ATP13A4: variants seen among roughly 807,000 people sequenced by gnomAD.
The protein encoded by ATP13A4 is ATPase 13A4, also known as probable cation-transporting ATPase 13A4.
ATP13A4 carries 114 observed loss-of-function variants against 142.5 expected under a neutral mutation model. The observed-to-expected ratio is 0.80, with a 90% confidence interval of 0.69 to 0.93. The LOEUF (loss-of-function observed/expected upper bound fraction) is 0.93. ATP13A4 is among the 40% of genes least tolerant of loss of function. ATP13A4 has a pLI of 0.00. For missense variants in ATP13A4, 1,392 were observed against 1,454.0 expected (o/e 0.96, Z 0.69); for synonymous variants, 488 against 514.8 (o/e 0.95, Z 0.70).
intron 28 of ATP13A4, among the ~76,000 whole-genome samples, chr3:193,410,468 G>A (rs147432879): frequency 6.6e-5 from 10 of 152,268 alleles, no homozygotes; most frequent in South Asian, 2.1e-4. Context: ...AGCCTAGCGC[G>A]TTGGGAGGCC....
At chr3:193,483,009 T>C (rs530929848) in intron 8 of ATP13A4, among the ~76,000 whole-genome samples, 1 of 152,180 alleles carries the variant, frequency 6.6e-6, no homozygotes, top group Non-Finnish European at 1.5e-5. Context: ...AACAGGTGAA[T>C]GGATGAACAA....
intron 3 of ATP13A4, among the ~76,000 whole-genome samples, chr3:193,497,194 A>G (rs1720289975): frequency 6.6e-6 from 1 of 152,222 alleles, no homozygotes; most frequent in South Asian, 2.1e-4. Context: ...AATATCCAGA[A>G]TACATAAGGA....
chr3:193,520,579 C>A (rs1721662584), intron 1 of ATP13A4, among the ~76,000 whole-genome samples: 1 of 152,146 alleles, frequency 6.6e-6, no homozygotes, highest in South Asian at 2.1e-4. Flanking sequence ...CTGGAAGGGA[C>A]AAACTGGTTA....
At chr3:193,502,472 A>G (rs199625989) in intron 3 of ATP13A4, 21 bp downstream of exon 3, 1 of 1,611,300 alleles carries the variant, frequency 6.2e-7, no homozygotes, top group Non-Finnish European at 8.5e-7. Context: ...TGACATCAGC[A>G]GTAGCCATAA....
intron 1 of ATP13A4, among the ~76,000 whole-genome samples, chr3:193,535,591 T>C (rs1039071953): frequency 1.1e-4 from 17 of 152,038 alleles, no homozygotes; most frequent in Non-Finnish European, 2.4e-4. Context: ...AAAAATAAAG[T>C]TTCCAATACA....
At chr3:193,572,124 T>G (rs1393213743) in intron 2 of ATP13A4, among the ~76,000 whole-genome samples, 2 of 152,172 alleles carry the variant, frequency 1.3e-5, no homozygotes, top group Non-Finnish European at 2.9e-5. Flanking sequence ...AACACATGCC[T>G]GTAGTCCCAG....
At chr3:193,493,673 T>C (rs948403981) in intron 3 of ATP13A4, among the ~76,000 whole-genome samples, 1 of 151,996 alleles carries the variant, frequency 6.6e-6, no homozygotes, top group Non-Finnish European at 1.5e-5. Context: ...ACAAGTTAGT[T>C]TGGGGGAAGA....
chr3:193,468,006 CCA>C (rs1718401700), intron 9 of ATP13A4, among the ~76,000 whole-genome samples: 1 of 152,100 alleles, frequency 6.6e-6, no homozygotes, highest in Non-Finnish European at 1.5e-5. Flanking sequence ...TGGAGAAACC[CCA>C]GTTTTGTAAA....
At chr3:193,546,811 T>G (rs1294824502) in intron 1 of ATP13A4, among the ~76,000 whole-genome samples, 1 of 152,202 alleles carries the variant, frequency 6.6e-6, no homozygotes, top group East Asian at 1.9e-4. Flanking sequence ...GTAATGTCAC[T>G]TAACCTCCCT....
At chr3:193,565,151 C>T (rs1724107538) in intron 2 of ATP13A4, among the ~76,000 whole-genome samples, 1 of 152,182 alleles carries the variant, frequency 6.6e-6, no homozygotes, top group South Asian at 2.1e-4. Flanking sequence ...CCTGAAACCA[C>T]CGCCCCCGAC....
At chr3:193,565,056 GA>G (rs1724104863) in intron 2 of ATP13A4, among the ~76,000 whole-genome samples, 2 of 152,138 alleles carry the variant, frequency 1.3e-5, no homozygotes, top group South Asian at 4.1e-4. Flanking sequence ...ACATTATGTT[GA>G]GTTGTAGAAT....
rs112973270 is a variant in ATP13A4, at chr3:193,572,790, A to G, written n.291+8917T>C. Among the ~76,000 whole-genome samples, 351 of 152,084 alleles carry G rather than the reference A, an allele frequency of 2.3e-3. 1 individual carries two copies. The highest frequency in any genetic ancestry group is 0.014 in the Middle Eastern group (4 of 294). On this transcript the variant is annotated intron_variant and non_coding_transcript_variant, in intron 2 of 3. Coordinates refer to the ATP13A4 transcript ENST00000489140. ...TGATGGAACCAGCTGATGGGAATGT[A>G]AAGGGCAGGAGGGCAGTTTGACATG...
At chr3:193,466,611 G>A (rs1369854388) in intron 10 of ATP13A4, among the ~76,000 whole-genome samples, 1 of 152,220 alleles carries the variant, frequency 6.6e-6, no homozygotes, top group Non-Finnish European at 1.5e-5. Context: ...ACCCTGGAAA[G>A]AACTTGGGAT....
intron 3 of ATP13A4, among the ~76,000 whole-genome samples, chr3:193,498,586 A>T (rs1720371660): frequency 6.6e-6 from 1 of 152,196 alleles, no homozygotes; most frequent in African/African-American, 2.4e-5. Context: ...GCTTTGAAAA[A>T]GACTGCTGTC....
At chr3:193,534,799 TA>T (rs1722507010) in intron 1 of ATP13A4, among the ~76,000 whole-genome samples, 1 of 152,034 alleles carries the variant, frequency 6.6e-6, no homozygotes, top group African/African-American at 2.4e-5. Flanking sequence ...GGGAAATGAC[TA>T]AAAAACTTAA....
rs1421168741 is a variant in ATP13A4, at chr3:193,492,897, G to A, written c.533+20C>T. 6.4e-7 allele frequency: 1 copy of A among 1,559,766 alleles called. No homozygotes were observed. Among genetic ancestry groups the A allele is most frequent in the African/African-American group, 1.4e-5 (1 of 73,462 alleles). Reference sequence around the variant, plus strand: ...ATAATAATCCTTTTGAGCTAGTATAGGCAATAATATGCATGGTACCTAATC... The same window carrying A: ...ATAATAATCCTTTTGAGCTAGTATAAGCAATAATATGCATGGTACCTAATC... On this transcript the variant is annotated intron_variant, in intron 5 of 29. Coordinates refer to ENST00000342695, the MANE Select transcript of ATP13A4 (RefSeq NM_032279.4).
intron 1 of ATP13A4, among the ~76,000 whole-genome samples, chr3:193,529,975 T>A (rs1174692838): frequency 2.0e-5 from 3 of 152,146 alleles, no homozygotes; most frequent in African/African-American, 7.2e-5. Flanking sequence ...TATCTTAAGA[T>A]TCCTATAAGC....
chr3:193,414,576 T>C lies in ATP13A4; in HGVS notation c.3014+3A>G. The C allele has an allele frequency of 6.2e-7, 1 of 1,613,482 alleles. No homozygotes were observed. The highest frequency in any genetic ancestry group is 1.1e-5 in the South Asian group (1 of 91,070). On this transcript the variant is annotated splice_donor_region_variant and intron_variant, in intron 26 of 29. Coordinates refer to ENST00000342695, the MANE Select transcript of ATP13A4 (RefSeq NM_032279.4). Reference sequence around the variant, plus strand: ...GAAGCAGAAGCTGAGACTATACTCATACCTGTGTATCTCCACGGAATACCA... The same window carrying C: ...GAAGCAGAAGCTGAGACTATACTCACACCTGTGTATCTCCACGGAATACCA...
chr3:193,523,077 C>T (rs1171892119), intron 1 of ATP13A4, among the ~76,000 whole-genome samples: 7 of 151,908 alleles, frequency 4.6e-5, no homozygotes, highest in African/African-American at 9.7e-5. Flanking sequence ...TCGAGGCACG[C>T]GGATCACCCG....
Sources: gnomAD v4.1 joint callset for allele counts (sites outside exome capture counted in the v4.1 genomes callset) on GRCh38, gnomAD v4.1.1 for gene constraint, MANE v1.5 for transcripts, NCBI Gene and HGNC (gene_info 2026-07-23, HGNC 2026-07-21) for gene names.